CCDC3: variants seen among roughly 807,000 people sequenced by gnomAD.
CCDC3 encodes coiled-coil domain containing 3.
Under a neutral mutation model 21.4 loss-of-function variants are expected in CCDC3, and 24 were observed. The observed-to-expected ratio is 1.12, with a 90% CI of 0.81 to 1.58. The LOEUF is 1.58. Ranked by LOEUF, CCDC3 falls within the 40% of genes most tolerant of loss-of-function variation. The probability of loss-of-function intolerance (pLI) is 0.00; values close to 1 mark genes in which losing one functional copy is unlikely to be tolerated. For missense variants in CCDC3, 425 were observed against 360.9 expected (o/e 1.18, Z -1.44); for synonymous variants, 186 against 166.0 (o/e 1.12, Z -0.93).
intron 3 of CCDC3, among the ~76,000 whole-genome samples, chr10:13,095,437 G>T (rs181152735): frequency 5.4e-5 from 8 of 148,158 alleles, no homozygotes; most frequent in Admixed American, 1.4e-4. Context: ...GGTGGTGGGT[G>T]GGGGGGTGGT....
chr10:13,034,702 A>AAAACAAACAAACAAAC (rs142897479), intron 5 of CCDC3, among the ~76,000 whole-genome samples: 194 of 151,198 alleles, frequency 1.3e-3, no homozygotes, highest in African/African-American at 3.4e-3. Context: ...CTCACTGTAA[A>AAAACAAACAAACAAAC]AAACAAACAA....
At chr10:12,925,922 A>G (rs1238051596) in intron 2 of CCDC3, among the ~76,000 whole-genome samples, 1 of 152,266 alleles carries the variant, frequency 6.6e-6, no homozygotes, top group Non-Finnish European at 1.5e-5. Context: ...AGGCAGAACA[A>G]AAGCTGGGGT....
At chr10:12,967,941 C>T (rs899735982) in intron 2 of CCDC3, among the ~76,000 whole-genome samples, 83 of 152,010 alleles carry the variant, frequency 5.5e-4, no homozygotes, top group African/African-American at 1.8e-3. Flanking sequence ...GAGGCCGAGG[C>T]GGGCAGATCA....
At chr10:13,081,231 TA>T (rs1837036204) in intron 3 of CCDC3, among the ~76,000 whole-genome samples, 1 of 152,072 alleles carries the variant, frequency 6.6e-6, no homozygotes, top group African/African-American at 2.4e-5. Flanking sequence ...TCCCCACATT[TA>T]AAACAAAAGA....
chr10:13,008,272 A>C (rs567021891), intron 5 of CCDC3, among the ~76,000 whole-genome samples: 1 of 152,330 alleles, frequency 6.6e-6, no homozygotes, highest in Admixed American at 6.5e-5. Flanking sequence ...GGGGACTTCC[A>C]TGTGAAAGGG....
intron 5 of CCDC3, among the ~76,000 whole-genome samples, chr10:13,033,522 A>G (rs1329403244): frequency 6.6e-6 from 1 of 152,238 alleles, no homozygotes; most frequent in African/African-American, 2.4e-5. Flanking sequence ...GCTTCTGCAC[A>G]GCAAAAGAAA....
chr10:12,999,778 T>C (rs940215423), intron 1 of CCDC3, among the ~76,000 whole-genome samples: 1 of 152,260 alleles, frequency 6.6e-6, no homozygotes, highest in Admixed American at 6.5e-5. Context: ...CTTTTTCCTT[T>C]GGAGAACAAA....
At chr10:13,067,050 C>A (rs1271902973) in intron 4 of CCDC3, among the ~76,000 whole-genome samples, 25 of 152,096 alleles carry the variant, frequency 1.6e-4, no homozygotes, top group Non-Finnish European at 3.1e-4. Flanking sequence ...AAGATGTGAA[C>A]CAAAAAATCT....
chr10:13,034,877 T>G (rs1836357932), intron 5 of CCDC3, among the ~76,000 whole-genome samples: 1 of 151,856 alleles, frequency 6.6e-6, no homozygotes, highest in Admixed American at 6.6e-5. Context: ...ATACAAAAAA[T>G]TAGCCAGGCA....
At chr10:13,087,542 G>T (rs1026299545) in intron 3 of CCDC3, among the ~76,000 whole-genome samples, 7 of 152,100 alleles carry the variant, frequency 4.6e-5, no homozygotes, top group African/African-American at 1.7e-4. Flanking sequence ...CTAAAAACCA[G>T]CACAAGAGAA....
intron 2 of CCDC3, among the ~76,000 whole-genome samples, chr10:12,983,526 G>C: frequency 6.6e-6 from 1 of 150,446 alleles, no homozygotes; most frequent in African/African-American, 2.4e-5. Context: ...AGCCAAGAGT[G>C]CACCACTGCA....
upstream of CCDC3, among the ~76,000 whole-genome samples, chr10:13,002,860 C>T (rs562307695): frequency 2.0e-4 from 31 of 151,558 alleles, no homozygotes; most frequent in African/African-American, 7.6e-4. Flanking sequence ...GGCTTACAGA[C>T]GGCCACCTTC....
chr10:13,097,497 G>A (rs1231959120), intron 3 of CCDC3, among the ~76,000 whole-genome samples: 1 of 152,236 alleles, frequency 6.6e-6, no homozygotes, highest in African/African-American at 2.4e-5. Context: ...GCCGAGGCAG[G>A]TGGATCACCC....
chr10:13,066,975 T>G (rs1836827442), intron 4 of CCDC3, among the ~76,000 whole-genome samples: 1 of 152,218 alleles, frequency 6.6e-6, no homozygotes. Flanking sequence ...CAGTTTTAGC[T>G]GAACTAAGGA....
At chr10:12,943,254 C>A (rs1408773262) in intron 2 of CCDC3, among the ~76,000 whole-genome samples, 3 of 151,858 alleles carry the variant, frequency 2.0e-5, no homozygotes. Context: ...GATAGTAAAC[C>A]AAAAAATACA....
At chr10:13,009,525 TA>T (rs1835960908) in intron 5 of CCDC3, among the ~76,000 whole-genome samples, 1 of 152,174 alleles carries the variant, frequency 6.6e-6, no homozygotes, top group Non-Finnish European at 1.5e-5. Context: ...AGACCTACTA[TA>T]AAGCTATAGT....
upstream of CCDC3, among the ~76,000 whole-genome samples, chr10:13,004,062 A>AG (rs1835897213): frequency 6.6e-6 from 1 of 152,302 alleles, no homozygotes; most frequent in South Asian, 2.1e-4. Context: ...GGTAGCCAGG[A>AG]GGGGAAACAA....
chr10:13,012,843 G>A (rs555307677), intron 5 of CCDC3, among the ~76,000 whole-genome samples: 5 of 152,062 alleles, frequency 3.3e-5, no homozygotes, highest in East Asian at 3.9e-4. Context: ...ATTTGTACCC[G>A]AGATCCCCAA....
At chr10:12,900,930 A>T (rs1211826360) in intron 2 of CCDC3, among the ~76,000 whole-genome samples, 3 of 152,092 alleles carry the variant, frequency 2.0e-5, no homozygotes, top group African/African-American at 7.2e-5. Flanking sequence ...AGCTTCTTGG[A>T]GTGCTGCAGA....
Sources: allele counts gnomAD v4.1 joint callset (sites outside exome capture counted in the v4.1 genomes callset), GRCh38; gene constraint gnomAD v4.1.1; transcripts MANE v1.5; gene names NCBI Gene and HGNC (gene_info 2026-07-23, HGNC 2026-07-21).